The following ADGRE3 variants were observed in gnomAD, a reference collection of about 807,000 sequenced individuals.
ADGRE3 encodes EGF-like module receptor 3.
A neutral mutation model predicts 80.1 loss-of-function variants in ADGRE3; 88 were observed. That is an observed-to-expected ratio of 1.10 (90% CI 0.93 to 1.31). The LOEUF (loss-of-function observed/expected upper bound fraction) is 1.31. Ranked by LOEUF, ADGRE3 falls within the 40% of genes most tolerant of loss-of-function variation. The pLI is 0.00. For missense variants in ADGRE3, 715 were observed against 776.5 expected (o/e 0.92, Z 0.94); for synonymous variants, 281 against 294.8 (o/e 0.95, Z 0.48).
At position 14,647,225 on chromosome 19, in the gene ADGRE3, C is replaced by A. The variant is rs200966967; in HGVS notation, c.838G>T (p.Val280Leu). The A allele has an allele frequency of 6.2e-7, 1 of 1,613,958 alleles. No homozygotes were observed. Among genetic ancestry groups the A allele is most frequent in the East Asian group, 2.2e-5 (1 of 44,860 alleles). ...VSAAIGPKRN[V>L]SLSKSVTLTF... The stretch of plus-strand genomic sequence containing the variant: ...AGCGTCACAGACTTGGAGAGAGACA[C>A]GTTCCTTTTGGGTCCAATAGCAGCA... Residue 280 changes from valine to leucine, a missense_variant, in exon 8 of 16, where the codon GTG becomes TTG. Coordinates refer to ENST00000253673, the MANE Select transcript of ADGRE3 (RefSeq NM_032571.5).
At chr19:14,645,408 C>T (rs1024651352) in intron 8 of ADGRE3, among the ~76,000 whole-genome samples, 5 of 152,150 alleles carry the variant, frequency 3.3e-5, no homozygotes, top group Non-Finnish European at 7.3e-5. Flanking sequence ...ACTGTAATCC[C>T]AGCACTTTGG....
At chr19:14,606,740 C>A in the ADGRE3 span, among the ~76,000 whole-genome samples, 79 of 151,910 alleles carry the variant, frequency 5.2e-4, no homozygotes, top group Admixed American at 1.2e-3. Context: ...ACTGTGAACC[C>A]ATTTTACAGG....
chr19:14,634,040 G>A (rs1035752290), intron 11 of ADGRE3, among the ~76,000 whole-genome samples: 1 of 152,174 alleles, frequency 6.6e-6, no homozygotes, highest in Middle Eastern at 3.4e-3. Flanking sequence ...GCCTCCCAAA[G>A]TGCTGGGATT....
chr19:14,655,613 G>T (rs1345968768), intron 5 of ADGRE3, among the ~76,000 whole-genome samples: 1 of 151,874 alleles, frequency 6.6e-6, no homozygotes, highest in Admixed American at 6.6e-5. Flanking sequence ...ACACCGCCAT[G>T]CTTGCTTAAT....
intron 5 of ADGRE3, among the ~76,000 whole-genome samples, chr19:14,656,830 A>G (rs892611337): frequency 6.6e-6 from 1 of 152,054 alleles, no homozygotes; most frequent in African/African-American, 2.4e-5. Flanking sequence ...GGAAAACCTC[A>G]CTGAGGACTT....
chr19:14,662,586 A>G (rs1036031132), intron 3 of ADGRE3, among the ~76,000 whole-genome samples: 1 of 152,022 alleles, frequency 6.6e-6, no homozygotes, highest in African/African-American at 2.4e-5. Flanking sequence ...GGGTTTCACT[A>G]TGTTGGCCAG....
At chr19:14,619,762 A>G (rs137869086) in intron 15 of ADGRE3, among the ~76,000 whole-genome samples, 1 of 152,172 alleles carries the variant, frequency 6.6e-6, no homozygotes, top group Non-Finnish European at 1.5e-5. Context: ...TCTATGAAGA[A>G]AGGTTAGAGT....
intron 1 of ADGRE3, among the ~76,000 whole-genome samples, chr19:14,672,586 T>C (rs1445566418): frequency 6.6e-6 from 1 of 152,188 alleles, no homozygotes; most frequent in African/African-American, 2.4e-5. Flanking sequence ...TGGATGCTTT[T>C]TCTTTCTCTC....
intron 14 of ADGRE3, 41 bp downstream of exon 14, chr19:14,629,998 T>G: frequency 7.0e-7 from 1 of 1,419,700 alleles, no homozygotes. Flanking sequence ...TTTCCAAAAT[T>G]TTCTTAAGTT....
intron 2 of ADGRE3, among the ~76,000 whole-genome samples, chr19:14,666,878 G>A (rs1236168897): frequency 6.6e-6 from 1 of 152,100 alleles, no homozygotes; most frequent in East Asian, 1.9e-4. Flanking sequence ...TCTTTTCCAG[G>A]ACTTAATACC....
chr19:14,620,568 A>ATATATATATATATATATTT (rs1435435269), intron 15 of ADGRE3, among the ~76,000 whole-genome samples: 1 of 11,054 alleles, frequency 9.0e-5, no homozygotes, highest in African/African-American at 4.1e-4. Context: ...ATATATATAT[A>ATATATATATATATATATTT]TTTTTTTTTT....
the ADGRE3 span, among the ~76,000 whole-genome samples, chr19:14,604,155 TTCCGCTC>T: frequency 6.6e-6 from 1 of 152,166 alleles, no homozygotes; most frequent in South Asian, 2.1e-4. Context: ...AGGAAGACCT[TTCCGCTC>T]TCTGATTTTC....
intron 13 of ADGRE3, among the ~76,000 whole-genome samples, chr19:14,631,579 A>G (rs1010942016): frequency 2.6e-5 from 4 of 151,572 alleles, no homozygotes; most frequent in East Asian, 1.9e-4. Context: ...GTGATAGTGT[A>G]TATAAAAATA....
At chr19:14,617,403 C>CTTTCTTTCTTTCTTTCTTTCT, downstream of ADGRE3, among the ~76,000 whole-genome samples, 1 of 82,800 alleles carries the variant, frequency 1.2e-5, no homozygotes, top group East Asian at 4.1e-4. Context: ...TCTTTCTTTT[C>CTTTCTTTCTTTCTTTCTTTCT]TTTCTCTCTT....
intron 10 of ADGRE3, among the ~76,000 whole-genome samples, chr19:14,641,056 T>C (rs1443851405): frequency 2.0e-5 from 3 of 152,190 alleles, no homozygotes; most frequent in African/African-American, 7.2e-5. Context: ...TTCCCAGATA[T>C]TTGCCTTCCC....
At chr19:14,621,084 A>C (rs1020420713) in intron 15 of ADGRE3, among the ~76,000 whole-genome samples, 2 of 151,986 alleles carry the variant, frequency 1.3e-5, no homozygotes, top group Non-Finnish European at 2.9e-5. Context: ...CAATGGCATG[A>C]TCTCGGCTCA....
At chr19:14,611,663 C>T in the ADGRE3 span, among the ~76,000 whole-genome samples, 37 of 152,278 alleles carry the variant, frequency 2.4e-4, no homozygotes, top group Admixed American at 1.4e-3. Flanking sequence ...TCTGCCAGCA[C>T]GTGCCCTTGA....
intron 8 of ADGRE3, 149 bp from the exon 9 acceptor site, chr19:14,644,424 G>A (rs764211067): frequency 4.5e-5 from 22 of 490,532 alleles, no homozygotes; most frequent in South Asian, 1.8e-4. Flanking sequence ...GGGTTCAAGC[G>A]ATTCTCCTGC....
chr19:14,643,516 T>C (rs1324810085), intron 9 of ADGRE3, among the ~76,000 whole-genome samples: 1 of 152,082 alleles, frequency 6.6e-6, no homozygotes, highest in Non-Finnish European at 1.5e-5. Context: ...ATTGCATCCC[T>C]ATGTGAATGA....
Sources: gnomAD v4.1 joint callset for allele counts (sites outside exome capture counted in the v4.1 genomes callset) on GRCh38, gnomAD v4.1.1 for gene constraint, MANE v1.5 for transcripts, NCBI Gene and HGNC (gene_info 2026-07-23, HGNC 2026-07-21) for gene names.